The following GTF3C2 variants were observed in gnomAD, a reference collection of about 807,000 sequenced individuals.
GTF3C2 encodes general transcription factor 3C polypeptide 2.
A neutral mutation model predicts 117.4 loss-of-function variants in GTF3C2; 17 were observed. The ratio of observed to expected loss-of-function variants is 0.14; its 90% CI spans 0.10 to 0.22. The LOEUF (loss-of-function observed/expected upper bound fraction) is 0.22, where lower values mean the gene tolerates loss of function less well. Ranked by LOEUF, GTF3C2 falls within the 10% of genes least tolerant of loss-of-function variation. GTF3C2 has a pLI of 1.00. For synonymous variants in GTF3C2, 437 were observed against 427.0 expected (o/e 1.02, Z -0.29); for missense variants, 888 against 1,143.6 (o/e 0.78, Z 3.22).
intron 10 of GTF3C2, 119 bp from the exon 11 acceptor site, chr2:27,334,118 T>C (rs1382395335): frequency 1.3e-6 from 1 of 748,244 alleles, no homozygotes; most frequent in Non-Finnish European, 2.4e-6. Flanking sequence ...CTCCAACTCC[T>C]GGGCTCAAGC....
intron 7 of GTF3C2, 34 bp from the exon 8 acceptor site, chr2:27,336,459 A>G: frequency 7.5e-7 from 1 of 1,324,602 alleles, no homozygotes; most frequent in Non-Finnish European, 1.1e-6. Flanking sequence ...TGAAGAAAGG[A>G]ATTAATGAAA....
intron 7 of GTF3C2, 111 bp downstream of exon 7, chr2:27,337,133 C>A: frequency 3.0e-6 from 2 of 670,254 alleles, no homozygotes; most frequent in Non-Finnish European, 5.3e-6. Context: ...TTGGGACCAA[C>A]TGAACCAGCA....
chr2:27,328,364 G>A (rs1680159668), intron 16 of GTF3C2, 104 bp downstream of exon 16: 2 of 1,237,370 alleles, frequency 1.6e-6, no homozygotes, highest in Non-Finnish European at 2.4e-6. Flanking sequence ...GATTTTCTGG[G>A]ATATCAGGGC....
At chr2:27,340,889 G>A (rs1164561235) in intron 4 of GTF3C2, 2 of 151,730 alleles carry the variant, frequency 1.3e-5, no homozygotes, top group African/African-American at 2.4e-5. Context: ...GCCTCCCAAA[G>A]TGCTGGGATT....
At chr2:27,354,140 G>A (rs908332239) in intron 1 of GTF3C2, among the ~76,000 whole-genome samples, 1 of 151,728 alleles carries the variant, frequency 6.6e-6, no homozygotes, top group African/African-American at 2.4e-5. Flanking sequence ...TTAATTAGCT[G>A]GGTGTGGTGG....
At chr2:27,341,984 T>A (rs759595540) in exon 4 of GTF3C2, 1 of 1,614,082 alleles carries the variant, frequency 6.2e-7, no homozygotes, top group African/African-American at 1.3e-5. Context: ...TTCGGGGCAC[T>A]ACAGGCTCAG....
At chr2:27,344,655 T>C (rs67585081) in intron 1 of GTF3C2, among the ~76,000 whole-genome samples, 283 of 152,310 alleles carry the variant, frequency 1.9e-3, no homozygotes, top group African/African-American at 6.6e-3. Context: ...AACATCTCTT[T>C]CTGTAAAGAT....
Position 27,344,593 on chromosome 2 carries a change from G to A in GTF3C2, c.-24-1015C>T, listed in dbSNP as rs191283078. On this transcript the variant is annotated intron_variant, in intron 1 of 18. Coordinates refer to ENST00000264720, the Ensembl canonical transcript of GTF3C2. ...TCCTCAAAATATACTACAAAAAAGA[G>A]CTGCCAGATACTACAAAATTTAGAC... is the stretch of plus-strand genomic sequence containing the variant. Among the ~76,000 whole-genome samples the A allele has an allele frequency of 3.0e-3, 463 of 152,236 alleles. 1 individual carries two copies. The highest frequency in any genetic ancestry group is 5.3e-3 in the Non-Finnish European group (360 of 68,012).
chr2:27,343,025 G>T lies in GTF3C2; in HGVS notation c.370C>A (p.Leu124Met), dbSNP rs751259290. The T allele has an allele frequency of 6.8e-6, 11 of 1,614,036 alleles. No individual in the cohort carries two copies. In the South Asian group the frequency reaches 9.9e-5, roughly 14 times the overall value. The change falls in exon 3 of 19, where the codon CTG becomes ATG. Residue 124 changes from leucine to methionine, a missense_variant. Around this residue, in one of 7 missense-constraint regions of GTF3C2, gnomAD observed 393 missense variants for 401.5 expected, o/e 0.98. Transcript: ENST00000264720. ...GATTGATCTAAGAGACCAGGAACCA[G>T]TGGGGCTGATGGAGGATTAGGCTGT...
Position 27,329,320 on chromosome 2 carries a change from C to T in GTF3C2, c.1878-38G>A. On this transcript the variant is annotated intron_variant, in intron 13 of 18. Transcript: ENST00000264720. This position sits in a 1 kb window ranked among gnomAD's most constrained non-coding sequence, Gnocchi z 4.5. ...GGGAGAAGGTCAAATCCAAACAAAT[C>T]CGGAAGTCAGCCTGTCCCAGTCTTC... 1 of 1,614,010 alleles carries T rather than the reference C, an allele frequency of 6.2e-7. No homozygotes were observed. Among genetic ancestry groups the T allele is most frequent in the Non-Finnish European group, 8.5e-7 (1 of 1,179,858 alleles).
At chr2:27,338,951 T>C (rs548164265) in intron 4 of GTF3C2, among the ~76,000 whole-genome samples, 4 of 152,252 alleles carry the variant, frequency 2.6e-5, no homozygotes, top group South Asian at 2.1e-4. Context: ...TACAAATGCA[T>C]ACCACCAAAC....
rs182635913 is a variant in GTF3C2, at chr2:27,353,191, G to A, written c.-25+3548C>T. 1.2e-4 allele frequency among the ~76,000 whole-genome samples: 19 copies of A among 152,124 alleles called. No individual in the cohort carries two copies. The South Asian group carries it at 3.7e-3, about 30-fold the overall frequency. The stretch of plus-strand genomic sequence containing the variant: ...GAGCAGATCATGAGGTCAGGAGATC[G>A]AGACCATCCTGGCCAACATGGTGAA... On this transcript the variant is annotated intron_variant, in intron 1 of 18. Transcript: ENST00000264720.
chr2:27,351,900 C>T (rs1209656632), intron 1 of GTF3C2, among the ~76,000 whole-genome samples: 1 of 149,780 alleles, frequency 6.7e-6, no homozygotes, highest in Admixed American at 6.6e-5. Context: ...AATCTTGTTC[C>T]TTTGATGCTT....
intron 1 of GTF3C2, among the ~76,000 whole-genome samples, chr2:27,350,808 G>A (rs1262141820): frequency 6.6e-6 from 1 of 152,038 alleles, no homozygotes; most frequent in Non-Finnish European, 1.5e-5. Flanking sequence ...AATTAGCCAG[G>A]CGTGGTGGAA....
At chr2:27,328,675 G>T in intron 15 of GTF3C2, 79 bp from the exon 16 acceptor site, 1 of 1,258,952 alleles carries the variant, frequency 7.9e-7, no homozygotes, top group Non-Finnish European at 1.1e-6. Flanking sequence ...CAGTCTGAGA[G>T]ACAGACACAC....
At position 27,336,038 on chromosome 2, in the gene GTF3C2, G is replaced by C; in HGVS notation, c.1356-10C>G. ...GGCCCTGTTGCCAGGACTGGAGAGA[G>C]AGAGCATGTGGGGATGGTGGGTAGG... On this transcript the variant is annotated splice_polypyrimidine_tract_variant and intron_variant, in intron 8 of 18. Coordinates refer to ENST00000264720, the Ensembl canonical transcript of GTF3C2. The C allele has an allele frequency of 6.4e-7, 1 of 1,574,090 alleles. No individual in the cohort carries two copies. Among genetic ancestry groups the C allele is most frequent in the Non-Finnish European group, 8.7e-7 (1 of 1,143,456 alleles).
At chr2:27,339,145 A>ATG (rs1680617812) in intron 4 of GTF3C2, among the ~76,000 whole-genome samples, 1 of 152,116 alleles carries the variant, frequency 6.6e-6, no homozygotes, top group South Asian at 2.1e-4. Context: ...ATGGTGGCTC[A>ATG]TGCCTGTAAT....
At chr2:27,341,888 C>G (rs921575135) in intron 4 of GTF3C2, 60 bp downstream of exon 4, 11 of 1,408,252 alleles carry the variant, frequency 7.8e-6, no homozygotes, top group Non-Finnish European at 1.1e-5. Flanking sequence ...TTCTCAGTAC[C>G]TTGCTGGTCC....
At chr2:27,331,547 G>C (rs1004372123) in intron 12 of GTF3C2, among the ~76,000 whole-genome samples, 3 of 151,946 alleles carry the variant, frequency 2.0e-5, no homozygotes, top group African/African-American at 7.2e-5. Context: ...GGATGGTCTC[G>C]ATCTCTTGAC....
Sources: allele counts gnomAD v4.1 joint callset (sites outside exome capture counted in the v4.1 genomes callset), GRCh38; gene constraint gnomAD v4.1.1; regional missense constraint gnomAD v4.1.1; non-coding constraint Gnocchi (gnomAD v3.1); transcripts MANE v1.5; gene names NCBI Gene and HGNC (gene_info 2026-07-23, HGNC 2026-07-21).